Variants in RERE observed in about 807,000 individuals in gnomAD.
RERE encodes arginine-glutamic acid dipeptide repeats protein.
In RERE, 40 loss-of-function variants were observed where a neutral mutation model predicts 146.1. That is an observed-to-expected ratio of 0.27 (90% CI 0.21 to 0.36). The LOEUF is 0.36. Among genes scored for constraint, RERE ranks in the 10% least tolerant of loss-of-function variants. The pLI is 1.00. For missense variants in RERE, 1,933 were observed against 2,138.7 expected, an observed-to-expected ratio of 0.90 and a Z score of 1.90; for synonymous variants, 1,003 against 866.0, an observed-to-expected ratio of 1.16 and a Z score of -2.78.
At chr1:8,664,917 A>T (rs1220193357) in intron 1 of RERE, among the ~76,000 whole-genome samples, 1 of 152,196 alleles carries the variant, frequency 6.6e-6, no homozygotes, top group Non-Finnish European at 1.5e-5. Context: ...TAATGACATT[A>T]TGTCAATCCC....
intron 1 of RERE, among the ~76,000 whole-genome samples, chr1:8,771,365 T>C (rs1375959566): frequency 6.6e-6 from 1 of 151,314 alleles, no homozygotes; most frequent in African/African-American, 2.4e-5. Flanking sequence ...CTACTAAAAA[T>C]ACAAAAAAAT....
intron 4 of RERE, among the ~76,000 whole-genome samples, chr1:8,569,861 C>T (rs1303371994): frequency 6.6e-6 from 1 of 152,092 alleles, no homozygotes; most frequent in Non-Finnish European, 1.5e-5. Flanking sequence ...TGCCACACTC[C>T]AGCCTGGGTG....
chr1:8,517,541 AAT>A (rs1000534479), intron 7 of RERE, among the ~76,000 whole-genome samples: 1 of 152,258 alleles, frequency 6.6e-6, no homozygotes. Context: ...TAATGTAAAT[AAT>A]ATGTTTTTCA....
In RERE at chr1:8,629,728, T is replaced by G. The variant is rs181216488; in HGVS notation, c.326-5348A>C. ...GTGCCACACACGCCAGTACTAAAACTGTGGTCACAACATATATAGGCAATG... is the reference window on the plus strand; with the variant it reads ...GTGCCACACACGCCAGTACTAAAACGGTGGTCACAACATATATAGGCAATG... On this transcript the variant is annotated intron_variant, in intron 2 of 22. Transcript: ENST00000400908. Among the ~76,000 whole-genome samples, 11 of 152,302 alleles carry G rather than the reference T, an allele frequency of 7.2e-5. No individual in the cohort carries two copies. The East Asian group carries it at 2.1e-3, about 29-fold the overall frequency.
chr1:8,436,038 C>A (rs1318817773), intron 11 of RERE, among the ~76,000 whole-genome samples: 2 of 152,154 alleles, frequency 1.3e-5, no homozygotes, highest in Non-Finnish European at 2.9e-5. Context: ...TAACCCAACA[C>A]GGCCAGGTGC....
chr1:8,734,768 C>T (rs1053824108), intron 1 of RERE, among the ~76,000 whole-genome samples: 6 of 152,170 alleles, frequency 3.9e-5, no homozygotes, highest in African/African-American at 1.4e-4. Context: ...TATTTCAAGC[C>T]ATTATGAACT....
intron 12 of RERE, among the ~76,000 whole-genome samples, chr1:8,415,575 C>T (rs541850992): frequency 3.9e-5 from 6 of 152,330 alleles, no homozygotes; most frequent in African/African-American, 9.6e-5. Context: ...ACACTGAGAA[C>T]GGCAACTGTC....
chr1:8,530,533 G>T (rs1352576693), intron 7 of RERE, among the ~76,000 whole-genome samples: 1 of 151,986 alleles, frequency 6.6e-6, no homozygotes, highest in Admixed American at 6.5e-5. Context: ...GCAACACTCA[G>T]GAAATTCTAG....
At chr1:8,714,876 C>A (rs1414955740) in intron 1 of RERE, among the ~76,000 whole-genome samples, 9 of 151,878 alleles carry the variant, frequency 5.9e-5, no homozygotes, top group African/African-American at 1.9e-4. Context: ...TTCAATCATA[C>A]CACAATTTTT....
chr1:8,770,563 T>A (rs982550859), intron 1 of RERE, among the ~76,000 whole-genome samples: 1 of 152,166 alleles, frequency 6.6e-6, no homozygotes, highest in African/African-American at 2.4e-5. Flanking sequence ...ATCTGCGAAA[T>A]AACTATACTT....
At chr1:8,770,955 A>C (rs534598481) in intron 1 of RERE, among the ~76,000 whole-genome samples, 1 of 152,328 alleles carries the variant, frequency 6.6e-6, no homozygotes, top group African/African-American at 2.4e-5. Context: ...ATTATTAAAA[A>C]ATAAACTATG....
chr1:8,613,505 A>G (rs55868821), intron 4 of RERE, among the ~76,000 whole-genome samples: 3,907 of 152,040 alleles, frequency 0.026, 153 homozygotes, highest in African/African-American at 0.089. Context: ...GCTCCTCAAA[A>G]CCTACCCACC....
intron 1 of RERE, among the ~76,000 whole-genome samples, chr1:8,707,694 A>T (rs1639584404): frequency 6.6e-6 from 1 of 152,226 alleles, no homozygotes; most frequent in African/African-American, 2.4e-5. Flanking sequence ...CCATGTCAAA[A>T]TGTCAAAAGT....
At chr1:8,685,391 C>T (rs1464651956) in intron 1 of RERE, among the ~76,000 whole-genome samples, 1 of 147,022 alleles carries the variant, frequency 6.8e-6, no homozygotes, top group Non-Finnish European at 1.5e-5. Flanking sequence ...ATTAAAACAA[C>T]AAAATACAAA....
intron 1 of RERE, among the ~76,000 whole-genome samples, chr1:8,720,254 A>G (rs1220457570): frequency 6.7e-6 from 1 of 149,732 alleles, no homozygotes; most frequent in Non-Finnish European, 1.5e-5. Context: ...GCCTGGCGGC[A>G]GCAAGACTCC....
chr1:8,505,526 T>G (rs1645239017), intron 8 of RERE, among the ~76,000 whole-genome samples: 1 of 152,160 alleles, frequency 6.6e-6, no homozygotes, highest in Non-Finnish European at 1.5e-5. Context: ...GTTAATATTT[T>G]CCTAATAAAA....
intron 1 of RERE, among the ~76,000 whole-genome samples, chr1:8,716,144 C>T (rs1402408322): frequency 1.3e-5 from 2 of 148,886 alleles, no homozygotes; most frequent in Non-Finnish European, 3.0e-5. Context: ...GGCCCCATCT[C>T]GAGGGAAAAA....
chr1:8,466,010 C>T lies in RERE; in HGVS notation c.1118G>A (p.Gly373Asp), dbSNP rs776742193. The change falls in exon 11 of 23, where the codon GGT becomes GAT. Residue 373 changes from glycine to aspartate, a missense_variant. By Grantham distance (94) the Gly-to-Asp change is moderately conservative. Coordinates refer to ENST00000400908, the MANE Select transcript of RERE (RefSeq NM_001042681.2). ...CTGCAGGGCTTTGCCAGCATCGTAA[C>T]CGCTTTCATGCAGCTAAAACAACAA... ...LNALNTLHES[G>D]YDAGKALQRL... 6.2e-7 allele frequency: 1 copy of T among 1,610,234 alleles called. No homozygotes were observed. Among genetic ancestry groups the T allele is most frequent in the East Asian group, 2.2e-5 (1 of 44,762 alleles).
At chr1:8,727,554 C>T (rs1186458735) in intron 1 of RERE, among the ~76,000 whole-genome samples, 1 of 152,072 alleles carries the variant, frequency 6.6e-6, no homozygotes, top group Non-Finnish European at 1.5e-5. Context: ...TGTGCAGTGG[C>T]ACAATCTCAG....
Sources: gnomAD v4.1 joint callset for allele counts (sites outside exome capture counted in the v4.1 genomes callset) on GRCh38, gnomAD v4.1.1 for gene constraint, MANE v1.5 for transcripts, NCBI Gene and HGNC (gene_info 2026-07-23, HGNC 2026-07-21) for gene names.